ATP13A1: variants seen among roughly 807,000 people sequenced by gnomAD.
ATP13A1 encodes ATPase 13A1, also known as endoplasmic reticulum transmembrane helix translocase.
A neutral mutation model predicts 134.8 loss-of-function variants in ATP13A1; 55 were observed. The observed-to-expected ratio is 0.41, with a 90% CI of 0.33 to 0.51. The LOEUF (loss-of-function observed/expected upper bound fraction) is 0.51. ATP13A1 is among the 20% of genes least tolerant of loss of function. The pLI, the probability that ATP13A1 is intolerant of heterozygous loss-of-function variation, is 0.29. For missense variants in ATP13A1, 1,389 were observed against 1,652.8 expected (o/e 0.84, Z 2.77); for synonymous variants, 775 against 725.1 (o/e 1.07, Z -1.10).
chr19:19,647,219 G>A lies in ATP13A1; in HGVS notation c.3015C>T (p.Leu1005=). ...CACTGAACTTGACTCCCTCCAGGTAGAGGACGCTCTGGCTGTAGGCCAGGA... is the reference window on the plus strand; with the variant it reads ...CACTGAACTTGACTCCCTCCAGGTAAAGGACGCTCTGGCTGTAGGCCAGGA... The part of the protein sequence containing the change: ...ALILAYSQSV[L]YLEGVKFSDF... The change falls in exon 22 of 26, where the codon CTC becomes CTT. Residue 1005 remains leucine, a synonymous_variant. Coordinates refer to ENST00000357324, the MANE Select transcript of ATP13A1 (RefSeq NM_020410.3). This position sits in a 1 kb window ranked among gnomAD's most constrained non-coding sequence, Gnocchi z 4.8. 6.2e-7 allele frequency: 1 copy of A among 1,613,988 alleles called. No homozygotes were observed.
Position 19,645,946 on chromosome 19 carries a change from T to C in ATP13A1, c.3288A>G (p.Pro1096=), listed in dbSNP as rs1339065791. The C allele has an allele frequency of 1.9e-6, 3 of 1,613,478 alleles. No homozygotes were observed. The highest frequency in any genetic ancestry group is 1.1e-5 in the South Asian group (1 of 91,082). The change falls in exon 24 of 26, where the codon CCA becomes CCG. Residue 1096 remains proline, a synonymous_variant. Transcript: ENST00000357324. This position sits in a 1 kb window ranked among gnomAD's most constrained non-coding sequence, Gnocchi z 4.1. ...TGTAGACGGTGCTGTTGACCAGGCTTGGCTCAAACTCCTTGTACAAGTCCA... is the reference window on the plus strand; with the variant it reads ...TGTAGACGGTGCTGTTGACCAGGCTCGGCTCAAACTCCTTGTACAAGTCCA... ...QFVDLYKEFE[P]SLVNSTVYIM...
intron 12 of ATP13A1, 130 bp from the exon 13 acceptor site, chr19:19,654,830 G>T: frequency 8.9e-7 from 1 of 1,126,576 alleles, no homozygotes; most frequent in Non-Finnish European, 1.2e-6. Flanking sequence ...CGCCAACTGG[G>T]TCTTTATGAG....
At chr19:19,646,501 G>A in intron 22 of ATP13A1, 154 bp from the exon 23 acceptor site, 1 of 915,590 alleles carries the variant, frequency 1.1e-6, no homozygotes, top group Non-Finnish European at 1.6e-6. Flanking sequence ...ACCAGTCCCT[G>A]GATCCCTGCC....
chr19:19,656,695 C>T lies in ATP13A1; in HGVS notation c.1048G>A (p.Ala350Thr). ...LLRGRCIVDE[A>T]MLTGESVPQM... is the part of the protein sequence containing the mutation. Reference sequence around the variant, plus strand: ...GGCACGGACTCCCCCGTGAGCATGGCCTCGTCTACGATGCAGCGGCCTCGC... The same window carrying T: ...GGCACGGACTCCCCCGTGAGCATGGTCTCGTCTACGATGCAGCGGCCTCGC... Residue 350 changes from alanine (A) to threonine (T), a missense_variant, in exon 7 of 26, where the codon GCC (alanine) becomes ACC (threonine). Around this residue, in one of 4 missense-constraint regions of ATP13A1, gnomAD observed 747 missense variants for 956.1 expected, o/e 0.78. Transcript: ENST00000357324. The surrounding 1 kb of genome is among the most constrained non-coding windows in gnomAD (Gnocchi z 4.6). The T allele has an allele frequency of 6.2e-7, 1 of 1,613,818 alleles. No homozygotes were observed. Among genetic ancestry groups the T allele is most frequent in the Non-Finnish European group, 8.5e-7 (1 of 1,179,860 alleles).
chr19:19,661,940 T>C, intron 1 of ATP13A1: 1 of 1,235,028 alleles, frequency 8.1e-7, no homozygotes, highest in Non-Finnish European at 1.1e-6. Context: ...GCGGGCACTC[T>C]GCAGATATCA....
At chr19:19,661,283 G>A (rs974429774) in intron 1 of ATP13A1, among the ~76,000 whole-genome samples, 4 of 151,980 alleles carry the variant, frequency 2.6e-5, no homozygotes, top group Non-Finnish European at 2.9e-5. Flanking sequence ...CCAAGCCCCC[G>A]CCCCATCACA....
Position 19,657,330 on chromosome 19 carries a change from C to G in ATP13A1, c.750+6G>C. 1 of 1,567,274 alleles carries G rather than the reference C, an allele frequency of 6.4e-7. No individual in the cohort carries two copies. Among genetic ancestry groups the G allele is most frequent in the South Asian group, 1.2e-5 (1 of 85,020 alleles). On this transcript the variant is annotated splice_donor_region_variant and intron_variant, in intron 4 of 25. Transcript: ENST00000357324. ...ATGGGGAGATGGGCCAGAGCTGCTG[C>G]TTTACCTGAAATACAAAGAAGGGGG... is the stretch of plus-strand genomic sequence containing the variant.
In ATP13A1 at chr19:19,661,759, G is replaced by C. The variant is rs181681940; in HGVS notation, c.396+1512C>G. ...CTGCTAGACCGAGCTGCATGGAGACGAGCTGCATGGAGATGGGGGGAGCAC... is the reference window on the plus strand; with the variant it reads ...CTGCTAGACCGAGCTGCATGGAGACCAGCTGCATGGAGATGGGGGGAGCAC... On this transcript the variant is annotated intron_variant, in intron 1 of 25. Coordinates refer to ENST00000357324, the MANE Select transcript of ATP13A1 (RefSeq NM_020410.3). 1.6e-4 allele frequency among the ~76,000 whole-genome samples: 25 copies of C among 152,276 alleles called. No individual in the cohort carries two copies. In the East Asian group the frequency reaches 4.6e-3, roughly 28 times the overall value.
chr19:19,663,003 A>C lies in ATP13A1; in HGVS notation c.396+268T>G, dbSNP rs2062103916. 1.7e-5 allele frequency: 11 copies of C among 648,976 alleles called. No homozygotes were observed. In the South Asian group the frequency reaches 1.8e-4, roughly 11 times the overall value. The allele number at this position is 648,976 out of a possible 1,614,324, so 40.2% of individuals were successfully genotyped here. A position where few individuals can be genotyped will look rare whatever the true frequency, so the allele number is the denominator to read the frequency against. ...GCGACGTATGCTGGGCCCTGCGCTA[A>C]GCCTTTTACAAGTATTACATCACTG... On this transcript the variant is annotated intron_variant, in intron 1 of 25. Coordinates refer to ENST00000357324, the MANE Select transcript of ATP13A1 (RefSeq NM_020410.3).
At chr19:19,661,991 G>C in intron 1 of ATP13A1, 1 of 1,529,404 alleles carries the variant, frequency 6.5e-7, no homozygotes, top group Non-Finnish European at 8.9e-7. Context: ...TGTTAGTTAC[G>C]GTTCTCAGTT....
At chr19:19,649,504 A>G (rs902983557) in intron 19 of ATP13A1, 63 bp downstream of exon 19, 16 of 1,528,684 alleles carry the variant, frequency 1.0e-5, no homozygotes, top group Non-Finnish European at 1.4e-5. Context: ...CTGTCTTTCT[A>G]GCTCAGTGAC....
intron 19 of ATP13A1, among the ~76,000 whole-genome samples, chr19:19,648,609 G>A (rs947742460): frequency 1.3e-5 from 2 of 151,786 alleles, no homozygotes; most frequent in Non-Finnish European, 2.9e-5. Context: ...AGGAGTTGGA[G>A]ACCAGCCTGG....
rs768697886 is a variant in ATP13A1 at position 19,653,454 on chromosome 19, G to T, written c.2100+330C>A. 1.5e-4 allele frequency: 55 copies of T among 376,172 alleles called. No individual in the cohort carries two copies. The highest frequency in any genetic ancestry group is 9.7e-6 in the Non-Finnish European group (2 of 206,092). The allele number at this position is 376,172 out of a possible 1,614,324, so 23.3% of individuals were successfully genotyped here. Reference sequence around the variant, plus strand: ...AGATGTGCCGGTGGTGGAGGCGGAGGGTGGGCTTTGTGGAGGATGGATGGG... The same window carrying T: ...AGATGTGCCGGTGGTGGAGGCGGAGTGTGGGCTTTGTGGAGGATGGATGGG... On this transcript the variant is annotated intron_variant, in intron 15 of 25. Coordinates refer to ENST00000357324, the MANE Select transcript of ATP13A1 (RefSeq NM_020410.3). The surrounding 1 kb of genome is among the most constrained non-coding windows in gnomAD (Gnocchi z 4.2).
In ATP13A1 at chr19:19,647,023, TG is replaced by T; in HGVS notation, c.3105+105del. 1 of 1,264,312 alleles carries T rather than the reference TG, an allele frequency of 7.9e-7. No individual in the cohort carries two copies. Among genetic ancestry groups the T allele is most frequent in the Non-Finnish European group, 1.1e-6 (1 of 924,232 alleles). The allele number at this position is 1,264,312 out of a possible 1,614,324, so 78.3% of individuals were successfully genotyped here. The stretch of plus-strand genomic sequence containing the variant: ...CCATCCCAGCTACAGCCCCCATCTC[TG>T]GGGCCCTGGGTCCTGTAACTTGGGG... On this transcript the variant is annotated intron_variant, in intron 22 of 25. Transcript: ENST00000357324. The surrounding 1 kb of genome is among the most constrained non-coding windows in gnomAD (Gnocchi z 4.8).
chr19:19,662,941 T>C (rs2145026727), intron 1 of ATP13A1: 1 of 449,456 alleles, frequency 2.2e-6, no homozygotes, highest in East Asian at 4.9e-5. Context: ...TAGTCGCTAA[T>C]ATGGGAACTA....
chr19:19,662,260 G>A (rs1286879727), intron 1 of ATP13A1: 131 of 1,469,106 alleles, frequency 8.9e-5, no homozygotes, highest in East Asian at 2.2e-4. Context: ...AAGCTACCAC[G>A]TTGAGCTCCT....
intron 3 of ATP13A1, among the ~76,000 whole-genome samples, chr19:19,658,504 T>C (rs982032148): frequency 1.3e-5 from 2 of 152,202 alleles, no homozygotes; most frequent in African/African-American, 2.4e-5. Flanking sequence ...TAAATCCTTG[T>C]ATTAGATTGA....
chr19:19,649,956 A>G lies in ATP13A1; in HGVS notation c.2336-16T>C, dbSNP rs745859467. On this transcript the variant is annotated splice_polypyrimidine_tract_variant and intron_variant, in intron 17 of 25. Coordinates refer to ENST00000357324, the MANE Select transcript of ATP13A1 (RefSeq NM_020410.3). ...CACTGCCGGCCTGCGGGCAGCACCT[A>G]GGGTTAGGGCTGGGGGCTTGGCTGA... 18 of 1,572,742 alleles carry G rather than the reference A, an allele frequency of 1.1e-5. No homozygotes were observed. The East Asian group carries it at 3.5e-4, about 30-fold the overall frequency.
intron 17 of ATP13A1, 103 bp from the exon 18 acceptor site, chr19:19,650,043 G>A: frequency 1.8e-6 from 2 of 1,098,256 alleles, no homozygotes; most frequent in Non-Finnish European, 2.6e-6. Flanking sequence ...CTCCTCTCTG[G>A]AGCCCGCACC....
Sources: gnomAD v4.1 joint callset for allele counts (sites outside exome capture counted in the v4.1 genomes callset) on GRCh38, gnomAD v4.1.1 for gene constraint, gnomAD v4.1.1 regional missense constraint, Gnocchi (gnomAD v3.1) non-coding constraint, MANE v1.5 for transcripts, NCBI Gene and HGNC (gene_info 2026-07-23, HGNC 2026-07-21) for gene names.